The following DMD variants were observed in gnomAD, a reference collection of about 807,000 sequenced individuals.
DMD encodes the protein dystrophin.
Under a neutral mutation model 330.1 loss-of-function variants are expected in DMD, and 63 were observed. The observed-to-expected ratio is 0.19, with a 90% CI of 0.16 to 0.24. The LOEUF is 0.24. Ranked by LOEUF, DMD falls within the 10% of genes least tolerant of loss-of-function variation. The pLI, the probability that DMD is intolerant of heterozygous loss-of-function variation, is 1.00. For synonymous variants in DMD, 1,223 were observed against 959.8 expected (o/e 1.27, Z -5.07); for missense variants, 3,344 against 2,684.1 (o/e 1.25, Z -5.43).
At chrX:31,311,166 T>C (rs1483490400) in intron 62 of DMD, among the ~76,000 whole-genome samples, 1 of 110,340 alleles carries the variant, frequency 9.1e-6, no homozygotes, top group African/African-American at 3.3e-5. Context: ...TTGTGACTTA[T>C]AGCCACAGAC....
At chrX:32,828,851 C>T (rs763924061) in intron 4 of DMD, among the ~76,000 whole-genome samples, 1 of 111,174 alleles carries the variant, frequency 9.0e-6, no homozygotes, top group Non-Finnish European at 1.9e-5. Context: ...ACTTTGTTAA[C>T]TTTTATTTCC....
rs765992433 is a variant in DMD, at chrX:32,505,272, T to C, written c.2293-3430A>G. ...AGAAAATATTTACGAAAGACATATC[T>C]GGTAGAGAATTCTTATCCGAAATAC... On this transcript the variant is annotated intron_variant, in intron 18 of 78. Transcript: ENST00000357033. Among the ~76,000 whole-genome samples, 10 of 112,458 alleles carry C rather than the reference T, an allele frequency of 8.9e-5. No individual in the cohort carries two copies. The East Asian group carries it at 2.8e-3, about 31-fold the overall frequency.
intron 43 of DMD, among the ~76,000 whole-genome samples, chrX:32,253,511 C>T: frequency 9.0e-6 from 1 of 111,256 alleles, no homozygotes; most frequent in East Asian, 2.8e-4. Flanking sequence ...CAATCGCATT[C>T]ACTTTATATT....
At chrX:31,437,239 C>A (rs10521969) in intron 60 of DMD, among the ~76,000 whole-genome samples, 6,442 of 111,867 alleles carry the variant, frequency 0.058, 271 homozygotes, top group African/African-American at 0.14. Flanking sequence ...GCTTTACTTA[C>A]AAAAACCAGT....
chrX:31,912,787 C>A (rs750515835), intron 47 of DMD, among the ~76,000 whole-genome samples: 11 of 111,883 alleles, frequency 9.8e-5, no homozygotes, highest in African/African-American at 3.2e-4. Flanking sequence ...TTGGCAGCCC[C>A]ACAATTAATC....
intron 1 of DMD, among the ~76,000 whole-genome samples, chrX:33,086,257 A>T (rs749673040): frequency 8.9e-6 from 1 of 112,229 alleles, no homozygotes; most frequent in South Asian, 3.7e-4. Flanking sequence ...GGTTTGCTAT[A>T]CAGAAAGAGA....
chrX:33,330,450 A>G lies in DMD; in HGVS notation c.7+8809T>C, dbSNP rs143030912. Among the ~76,000 whole-genome samples, 292 of 111,913 alleles carry G rather than the reference A, an allele frequency of 2.6e-3. 1 individual carries two copies. The highest frequency in any genetic ancestry group is 0.022 in the East Asian group (79 of 3,555). On this transcript the variant is annotated intron_variant, in intron 1 of 17. Coordinates refer to the DMD transcript ENST00000288447. Reference sequence around the variant, plus strand: ...GATTCTGTGATTAATTTAACTTTATACATGAGTGAAACATTTTCAGGTAGC... The same window carrying G: ...GATTCTGTGATTAATTTAACTTTATGCATGAGTGAAACATTTTCAGGTAGC...
At chrX:31,481,220 A>G (rs1317471380) in intron 57 of DMD, among the ~76,000 whole-genome samples, 3 of 112,539 alleles carry the variant, frequency 2.7e-5, no homozygotes, top group Non-Finnish European at 5.6e-5. Context: ...ATGGTCCACT[A>G]AGAGGCTTAG....
intron 1 of DMD, among the ~76,000 whole-genome samples, chrX:33,235,846 G>A (rs2052467152): frequency 9.1e-6 from 1 of 109,982 alleles, no homozygotes; most frequent in Non-Finnish European, 1.9e-5. Flanking sequence ...TCATAGTGAG[G>A]AAGAGAAACA....
At chrX:31,688,503 G>C (rs992580689) in intron 52 of DMD, among the ~76,000 whole-genome samples, 3 of 111,486 alleles carry the variant, frequency 2.7e-5, no homozygotes, top group Non-Finnish European at 5.6e-5. Flanking sequence ...AAAAAGTCCA[G>C]GACCAGACGG....
intron 76 of DMD, among the ~76,000 whole-genome samples, chrX:31,138,928 C>T (rs2035684889): frequency 9.0e-6 from 1 of 111,537 alleles, no homozygotes; most frequent in African/African-American, 3.3e-5. Context: ...ATCACAAGCC[C>T]CTCATCACCA....
chrX:32,334,354 T>C (rs1159015536), intron 41 of DMD, among the ~76,000 whole-genome samples: 3 of 111,844 alleles, frequency 2.7e-5, no homozygotes, highest in Non-Finnish European at 3.8e-5. Flanking sequence ...TCATTTATCT[T>C]CCCAAATTCT....
chrX:33,056,007 C>T (rs1169925290), intron 1 of DMD, among the ~76,000 whole-genome samples: 2 of 110,069 alleles, frequency 1.8e-5, no homozygotes, highest in Non-Finnish European at 3.8e-5. Flanking sequence ...AATTCATTAT[C>T]TAGTAGGTCT....
intron 1 of DMD, chrX:33,339,136 T>G (rs1223974421): frequency 1.3e-6 from 1 of 783,289 alleles, no homozygotes; most frequent in African/African-American, 2.1e-5. Flanking sequence ...CAACACTGTT[T>G]GCAGAGTTTG....
intron 9 of DMD, among the ~76,000 whole-genome samples, chrX:32,653,673 A>T (rs80059434): frequency 0.074 from 8,201 of 111,544 alleles, 724 homozygotes; most frequent in African/African-American, 0.25. Context: ...ACTTTAAAGT[A>T]GTTTTTTCCA....
intron 17 of DMD, among the ~76,000 whole-genome samples, chrX:32,537,979 G>C (rs1014342593): frequency 8.9e-6 from 1 of 112,425 alleles, no homozygotes; most frequent in Admixed American, 9.4e-5. Context: ...CTTGAATTGA[G>C]CATCTACTAC....
At chrX:31,281,148 T>C (rs2052581456) in intron 62 of DMD, among the ~76,000 whole-genome samples, 1 of 111,806 alleles carries the variant, frequency 8.9e-6, no homozygotes, top group Non-Finnish European at 1.9e-5. Context: ...GAAACAGCCA[T>C]GTGCAAAGGC....
chrX:33,025,379 TGA>T (rs1198218742), intron 1 of DMD, among the ~76,000 whole-genome samples: 5 of 111,210 alleles, frequency 4.5e-5, no homozygotes, highest in Non-Finnish European at 7.5e-5. Flanking sequence ...GAAATTGCAA[TGA>T]GAGTTAGGAG....
At chrX:32,840,197 G>A (rs2080039313) in intron 4 of DMD, among the ~76,000 whole-genome samples, 2 of 111,635 alleles carry the variant, frequency 1.8e-5, no homozygotes. Flanking sequence ...ATCTGCTTTT[G>A]AACAACTCCT....
Sources: gnomAD v4.1 joint callset for allele counts (sites outside exome capture counted in the v4.1 genomes callset) on GRCh38, gnomAD v4.1.1 for gene constraint, MANE v1.5 for transcripts, NCBI Gene and HGNC (gene_info 2026-07-23, HGNC 2026-07-21) for gene names.